Variants in TANC2 observed in about 807,000 individuals in gnomAD.
The protein encoded by TANC2 is tetratricopeptide repeat, ankyrin repeat and coiled-coil containing 2, also known as protein TANC2.
In TANC2, 26 loss-of-function variants were observed where a neutral mutation model predicts 210.5. That is an observed-to-expected ratio of 0.12 (90% CI 0.09 to 0.17). The LOEUF is 0.17. TANC2 is among the 10% of genes least tolerant of loss of function. The pLI, the probability that TANC2 is intolerant of heterozygous loss-of-function variation, is 1.00. For missense variants in TANC2, 2,129 were observed against 2,608.9 expected (o/e 0.82, Z 4.01); for synonymous variants, 931 against 967.1 (o/e 0.96, Z 0.69).
intron 3 of TANC2, among the ~76,000 whole-genome samples, chr17:63,074,630 T>C (rs548761673): frequency 1.3e-5 from 2 of 152,288 alleles, no homozygotes; most frequent in Non-Finnish European, 2.9e-5. Flanking sequence ...TTCCTATTTA[T>C]TCTGTTTATT....
At chr17:63,191,594 C>T (rs893463642) in intron 5 of TANC2, among the ~76,000 whole-genome samples, 9 of 152,000 alleles carry the variant, frequency 5.9e-5, no homozygotes, top group Non-Finnish European at 8.8e-5. Context: ...TCCTAAGTAG[C>T]TGGGACCACA....
intron 8 of TANC2, among the ~76,000 whole-genome samples, chr17:63,264,695 T>TA (rs2146251155): frequency 6.6e-6 from 1 of 152,290 alleles, no homozygotes; most frequent in South Asian, 2.1e-4. Flanking sequence ...AGTAAACTGC[T>TA]AATAGTGTGT....
At chr17:63,213,724 A>G (rs1485944982) in intron 7 of TANC2, among the ~76,000 whole-genome samples, 2 of 152,270 alleles carry the variant, frequency 1.3e-5, no homozygotes, top group African/African-American at 2.4e-5. Context: ...CCATTGGGCT[A>G]TTACTGAAAG....
chr17:63,024,899 T>C (rs1365103347), intron 2 of TANC2, among the ~76,000 whole-genome samples: 1 of 152,160 alleles, frequency 6.6e-6, no homozygotes, highest in Admixed American at 6.5e-5. Flanking sequence ...TTTGAAGTAG[T>C]GACTCAGATG....
At chr17:63,123,204 C>T (rs1013099234) in intron 4 of TANC2, among the ~76,000 whole-genome samples, 1 of 152,118 alleles carries the variant, frequency 6.6e-6, no homozygotes, top group African/African-American at 2.4e-5. Flanking sequence ...AAAGCTTAGA[C>T]AGATAGCTGA....
Position 63,395,656 on chromosome 17 carries a change from C to T in TANC2, c.3052-87C>T, listed in dbSNP as rs1315307925. ...AGTGGAAAGGATGATTCTTAGTAGCCTAGGCTTGTGCAGTGGCGGATGTGA... is the reference window on the plus strand; with the variant it reads ...AGTGGAAAGGATGATTCTTAGTAGCTTAGGCTTGTGCAGTGGCGGATGTGA... On this transcript the variant is annotated intron_variant, in intron 17 of 27. Coordinates refer to ENST00000689528, the Ensembl canonical transcript of TANC2. The T allele has an allele frequency of 8.0e-6, 10 of 1,250,126 alleles. No homozygotes were observed. The Admixed American group carries it at 1.0e-4, about 13-fold the overall frequency. 77.4% of individuals were successfully genotyped at this position (1,250,126 alleles called of 1,614,324 possible).
At chr17:63,121,842 C>T (rs2038492576) in intron 4 of TANC2, among the ~76,000 whole-genome samples, 2 of 151,988 alleles carry the variant, frequency 1.3e-5, no homozygotes, top group Non-Finnish European at 2.9e-5. Flanking sequence ...ATACATATGC[C>T]TGTAGTCCCA....
chr17:63,013,885 G>A (rs2033989654), intron 2 of TANC2, among the ~76,000 whole-genome samples: 1 of 148,846 alleles, frequency 6.7e-6, no homozygotes, highest in African/African-American at 2.5e-5. Flanking sequence ...TACCCATTAT[G>A]TCTTCAGATT....
At chr17:63,040,800 G>A (rs2035156915) in intron 2 of TANC2, among the ~76,000 whole-genome samples, 1 of 152,156 alleles carries the variant, frequency 6.6e-6, no homozygotes, top group East Asian at 1.9e-4. Flanking sequence ...AGCTAAAAAT[G>A]CTGCTGGTAT....
At chr17:63,200,212 A>T (rs1489584790) in intron 6 of TANC2, among the ~76,000 whole-genome samples, 1 of 152,088 alleles carries the variant, frequency 6.6e-6, no homozygotes, top group African/African-American at 2.4e-5. Context: ...AAAACTAGCC[A>T]GGTGTGATGG....
chr17:63,253,978 T>C (rs1385887254), intron 8 of TANC2, among the ~76,000 whole-genome samples: 1 of 152,072 alleles, frequency 6.6e-6, no homozygotes, highest in Non-Finnish European at 1.5e-5. Context: ...TTGGGGTCTT[T>C]TGTGGTTTCA....
At chr17:63,372,566 A>G (rs905659768) in intron 14 of TANC2, among the ~76,000 whole-genome samples, 3 of 152,240 alleles carry the variant, frequency 2.0e-5, no homozygotes, top group Admixed American at 1.3e-4. Flanking sequence ...AATAAAATGC[A>G]TTCGCTTAAT....
chr17:63,005,893 A>ATTTT (rs2033599634), intron 1 of TANC2, among the ~76,000 whole-genome samples: 1 of 121,014 alleles, frequency 8.3e-6, no homozygotes, highest in Admixed American at 9.0e-5. Context: ...CTGGCTGTAT[A>ATTTT]GTTTGTGTGT....
intron 2 of TANC2, among the ~76,000 whole-genome samples, chr17:63,064,116 G>T (rs922458315): frequency 2.0e-5 from 3 of 152,036 alleles, no homozygotes; most frequent in African/African-American, 7.3e-5. Flanking sequence ...AAAGTAATTT[G>T]GTTCCATTCA....
rs781271407 is a variant in TANC2, at chr17:63,340,314, C to T, written c.1789C>T (p.Leu597=). The T allele has an allele frequency of 1.9e-6, 3 of 1,613,654 alleles. No individual in the cohort carries two copies. In the African/African-American group the frequency reaches 4.0e-5, roughly 22 times the overall value. Reference sequence around the variant, plus strand: ...CTTCCGGAGGGGAGTTCTGGAGCCACTAGAAAATCTCCATAAAGGTACAGA... The same window carrying T: ...CTTCCGGAGGGGAGTTCTGGAGCCATTAGAAAATCTCCATAAAGGTACAGA... The change falls in exon 12 of 28, where the codon CTA becomes TTA. Residue 597 remains leucine (L), a synonymous_variant. Coordinates refer to ENST00000689528, the Ensembl canonical transcript of TANC2.
exon 15 of TANC2, chr17:63,379,730 G>T (rs764651608): frequency 8.7e-6 from 14 of 1,611,048 alleles, no homozygotes; most frequent in Non-Finnish European, 1.1e-5. Flanking sequence ...GTGGTCACAC[G>T]TTACTTGCCT....
intron 4 of TANC2, among the ~76,000 whole-genome samples, chr17:63,145,752 C>T (rs968143231): frequency 1.5e-4 from 23 of 152,088 alleles, no homozygotes; most frequent in African/African-American, 4.8e-4. Flanking sequence ...TTCCATTGGT[C>T]TATATGTCTG....
At chr17:63,230,213 A>T (rs934401624) in intron 7 of TANC2, among the ~76,000 whole-genome samples, 40 of 151,038 alleles carry the variant, frequency 2.6e-4, no homozygotes, top group Non-Finnish European at 1.3e-4. Flanking sequence ...CATTTTATTA[A>T]TTTTTTTCAA....
chr17:63,143,355 T>TG (rs1465778563), intron 4 of TANC2, among the ~76,000 whole-genome samples: 1 of 152,186 alleles, frequency 6.6e-6, no homozygotes, highest in Non-Finnish European at 1.5e-5. Context: ...GTGGGGCCTT[T>TG]GTTATGTCAC....
Sources: allele counts gnomAD v4.1 joint callset (sites outside exome capture counted in the v4.1 genomes callset), GRCh38; gene constraint gnomAD v4.1.1; transcripts MANE v1.5; gene names NCBI Gene and HGNC (gene_info 2026-07-23, HGNC 2026-07-21).